ASB7: variants seen among roughly 807,000 people sequenced by gnomAD.
ASB7 encodes the protein ankyrin repeat and SOCS box protein 7.
Under a neutral mutation model 32.5 loss-of-function variants are expected in ASB7, and 4 were observed. The ratio of observed to expected loss-of-function variants is 0.12; its 90% CI spans 0.06 to 0.28. The LOEUF is 0.28. Ranked by LOEUF, ASB7 falls within the 10% of genes least tolerant of loss-of-function variation. The pLI is 1.00. For missense variants in ASB7, 181 were observed against 407.1 expected (o/e 0.44, Z 4.78); for synonymous variants, 172 against 155.6 (o/e 1.11, Z -0.78).
At chr15:100,640,425 G>A (rs1021630166) in intron 5 of ASB7, among the ~76,000 whole-genome samples, 1 of 152,144 alleles carries the variant, frequency 6.6e-6, no homozygotes, top group Non-Finnish European at 1.5e-5. Flanking sequence ...GATTATAGGC[G>A]GGAGCCACCA....
chr15:100,625,952 A>G (rs1031948224), intron 4 of ASB7, among the ~76,000 whole-genome samples: 3 of 152,212 alleles, frequency 2.0e-5, no homozygotes, highest in Admixed American at 2.0e-4. Flanking sequence ...ACAAGTAGAT[A>G]TCTTTGTGGG....
chr15:100,619,585 A>C (rs2039773807), intron 4 of ASB7, among the ~76,000 whole-genome samples: 2 of 152,370 alleles, frequency 1.3e-5, no homozygotes, highest in Admixed American at 6.5e-5. Context: ...AGCCAGATGC[A>C]GTTTAATAAA....
chr15:100,642,810 GC>G (rs1272037411), intron 5 of ASB7, among the ~76,000 whole-genome samples: 1 of 152,248 alleles, frequency 6.6e-6, no homozygotes, highest in Non-Finnish European at 1.5e-5. Flanking sequence ...GCCGAGGCAG[GC>G]AGATCACCTG....
chr15:100,618,673 A>T (rs2039766112), intron 4 of ASB7, among the ~76,000 whole-genome samples: 1 of 151,972 alleles, frequency 6.6e-6, no homozygotes, highest in Admixed American at 6.6e-5. Context: ...AAAGAACAAG[A>T]ATTCATATAG....
At chr15:100,642,364 GTAGATCAT>G (rs2039967389) in intron 5 of ASB7, among the ~76,000 whole-genome samples, 1 of 152,214 alleles carries the variant, frequency 6.6e-6, no homozygotes, top group African/African-American at 2.4e-5. Context: ...ATCTACTTAA[GTAGATCAT>G]TAGGTCATTA....
chr15:100,619,017 T>G (rs1325632695), intron 4 of ASB7, among the ~76,000 whole-genome samples: 2 of 152,220 alleles, frequency 1.3e-5, no homozygotes, highest in Non-Finnish European at 2.9e-5. Context: ...GTTTCTTACC[T>G]GTAATTCTGT....
At chr15:100,628,271 A>G (rs188290723) in intron 4 of ASB7, among the ~76,000 whole-genome samples, 33 of 152,342 alleles carry the variant, frequency 2.2e-4, no homozygotes, top group African/African-American at 6.0e-4. Flanking sequence ...GTTATTTTAC[A>G]TATAGTTTTC....
chr15:100,607,382 G>C (rs907441377), intron 2 of ASB7, among the ~76,000 whole-genome samples: 3 of 152,158 alleles, frequency 2.0e-5, no homozygotes, highest in African/African-American at 7.2e-5. Context: ...ACTCGACTCT[G>C]TCAGGCGCAG....
rs776520922 is a variant in ASB7 at position 100,649,738 on chromosome 15, T to C, written c.*1276T>C. 1 of 152,230 alleles carries C rather than the reference T, an allele frequency of 6.6e-6. No homozygotes were observed. The highest frequency in any genetic ancestry group is 1.5e-5 in the Non-Finnish European group (1 of 68,030). 9.4% of individuals were successfully genotyped at this position (152,230 alleles called of 1,614,324 possible). A position where few individuals can be genotyped will look rare whatever the true frequency, so the allele number is the denominator to read the frequency against. On this transcript the variant is annotated 3_prime_UTR_variant, in exon 6 of 6. Transcript: ENST00000332783. The stretch of plus-strand genomic sequence containing the variant: ...ACAATGGAAAAGGTCCCAGAGGCAT[T>C]AGGCATCTAAGAGGATGCCCTCAGA...
chr15:100,602,646 C>T lies in ASB7; in HGVS notation c.-673C>T. On this transcript the variant is annotated 5_prime_UTR_variant, in exon 1 of 6. Coordinates refer to ENST00000332783, the MANE Select transcript of ASB7 (RefSeq NM_198243.3). ...GGGTGGCCCAGTGCAAAGTGCATCCCGAAAGCCCCCTGTCCGGAGACCCCA... is the reference window on the plus strand; with the variant it reads ...GGGTGGCCCAGTGCAAAGTGCATCCTGAAAGCCCCCTGTCCGGAGACCCCA... The T allele has an allele frequency of 1.2e-5, 3 of 241,858 alleles. No individual in the cohort carries two copies. The highest frequency in any genetic ancestry group is 2.4e-5 in the Non-Finnish European group (3 of 127,316). 15.0% of individuals were successfully genotyped at this position (241,858 alleles called of 1,614,324 possible).
chr15:100,635,629 C>T (rs1338231113), intron 5 of ASB7, among the ~76,000 whole-genome samples: 1 of 152,232 alleles, frequency 6.6e-6, no homozygotes, highest in Admixed American at 6.5e-5. Flanking sequence ...CTGCAGCTTT[C>T]TCGGCTTTCA....
In ASB7 at chr15:100,646,735, A is replaced by C. The variant is rs2039999478; in HGVS notation, c.818-1588A>C. ...GAGCTCCTGTCTCTTAGGACTACAA[A>C]GAGACAGCTCAAAATTACACTGCAC... On this transcript the variant is annotated intron_variant, in intron 5 of 5. Coordinates refer to ENST00000332783, the MANE Select transcript of ASB7 (RefSeq NM_198243.3). 1.9e-5 allele frequency: 3 copies of C among 161,514 alleles called. No homozygotes were observed. The Admixed American group carries it at 1.9e-4, about 10-fold the overall frequency. The allele number at this position is 161,514 out of a possible 1,614,324, so 10.0% of individuals were successfully genotyped here. A position where few individuals can be genotyped will look rare whatever the true frequency, so the allele number is the denominator to read the frequency against.
At chr15:100,642,764 C>T (rs567775126) in intron 5 of ASB7, among the ~76,000 whole-genome samples, 6 of 152,350 alleles carry the variant, frequency 3.9e-5, no homozygotes, top group Admixed American at 1.3e-4. Context: ...CGGCCGGGCG[C>T]GGTGGCTCAT....
intron 4 of ASB7, among the ~76,000 whole-genome samples, chr15:100,622,470 T>TG (rs2039802673): frequency 6.6e-6 from 1 of 152,124 alleles, no homozygotes; most frequent in African/African-American, 2.4e-5. Flanking sequence ...AAAATTCATA[T>TG]GGAACCAAAA....
At chr15:100,640,628 A>G (rs2039954934) in intron 5 of ASB7, among the ~76,000 whole-genome samples, 1 of 152,172 alleles carries the variant, frequency 6.6e-6, no homozygotes, top group African/African-American at 2.4e-5. Flanking sequence ...TCTCCAACCC[A>G]AAGAACAACT....
intron 4 of ASB7, among the ~76,000 whole-genome samples, chr15:100,621,126 A>G (rs2039788174): frequency 6.6e-6 from 1 of 152,240 alleles, no homozygotes; most frequent in Admixed American, 6.5e-5. Flanking sequence ...ACATTTGGAA[A>G]GCAGTTTAGC....
chr15:100,619,578 C>T (rs2039773725), intron 4 of ASB7, among the ~76,000 whole-genome samples: 1 of 152,088 alleles, frequency 6.6e-6, no homozygotes, highest in Admixed American at 6.5e-5. Context: ...GGAAGCTAGC[C>T]AGATGCAGTT....
chr15:100,613,511 G>T (rs1320687516), intron 4 of ASB7, among the ~76,000 whole-genome samples: 1 of 152,222 alleles, frequency 6.6e-6, no homozygotes, highest in Non-Finnish European at 1.5e-5. Flanking sequence ...TCTGGCCTGT[G>T]CCTACTTTGT....
chr15:100,631,728 G>T (rs774094369), intron 5 of ASB7, among the ~76,000 whole-genome samples: 2 of 152,158 alleles, frequency 1.3e-5, no homozygotes, highest in Non-Finnish European at 2.9e-5. Context: ...ATCTCTCTGT[G>T]CCTTAGTGTC....
Sources: allele counts gnomAD v4.1 joint callset (sites outside exome capture counted in the v4.1 genomes callset), GRCh38; gene constraint gnomAD v4.1.1; transcripts MANE v1.5; gene names NCBI Gene and HGNC (gene_info 2026-07-23, HGNC 2026-07-21).